GADL1: variants seen among roughly 807,000 people sequenced by gnomAD.
The protein encoded by GADL1 is acidic amino acid decarboxylase GADL1.
In GADL1, 71 loss-of-function variants were observed where a neutral mutation model predicts 69.5. The observed-to-expected ratio is 1.02, with a 90% CI of 0.84 to 1.25. The LOEUF is 1.25. Among genes scored for constraint, GADL1 ranks in the 50% most tolerant of loss-of-function variants. GADL1 has a pLI of 0.00. For synonymous variants in GADL1, 254 were observed against 214.4 expected (o/e 1.18, Z -1.62); for missense variants, 737 against 631.8 (o/e 1.17, Z -1.79).
intron 14 of GADL1, among the ~76,000 whole-genome samples, chr3:30,731,600 C>T (rs561131334): frequency 3.6e-4 from 55 of 152,268 alleles, no homozygotes; most frequent in Admixed American, 2.9e-3. Flanking sequence ...TTGTGTAAAG[C>T]GCATGACTGT....
Position 30,828,490 on chromosome 3 carries a change from C to T in GADL1, c.1050+5363G>A, listed in dbSNP as rs573755324. ...TCCAAAAATAAAAGTGGGGGGGGTGCGGGGGAGGGTCTATATTCCAAGCCT... is the reference window on the plus strand; with the variant it reads ...TCCAAAAATAAAAGTGGGGGGGGTGTGGGGGAGGGTCTATATTCCAAGCCT... On this transcript the variant is annotated intron_variant, in intron 11 of 14. Transcript: ENST00000282538. Among the ~76,000 whole-genome samples the T allele has an allele frequency of 9.5e-5, 10 of 105,230 alleles. No homozygotes were observed. The South Asian group carries it at 2.1e-3, about 22-fold the overall frequency. The allele number at this position is 105,230 out of a possible 152,430, so 69.0% of individuals were successfully genotyped here. A position where few individuals can be genotyped will look rare whatever the true frequency, so the allele number is the denominator to read the frequency against.
chr3:30,749,205 C>G (rs1172987295), intron 14 of GADL1, among the ~76,000 whole-genome samples: 2 of 152,100 alleles, frequency 1.3e-5, no homozygotes, highest in Non-Finnish European at 2.9e-5. Flanking sequence ...TTGATTCTAT[C>G]CAGTCTTAAA....
chr3:30,746,553 G>T (rs1695705890), intron 14 of GADL1, among the ~76,000 whole-genome samples: 1 of 152,170 alleles, frequency 6.6e-6, no homozygotes, highest in Admixed American at 6.5e-5. Flanking sequence ...GTAATAAGGT[G>T]ACAGGTGCAC....
At chr3:30,759,237 C>CAAAGAG (rs1491495006) in intron 14 of GADL1, among the ~76,000 whole-genome samples, 236 of 147,692 alleles carry the variant, frequency 1.6e-3, no homozygotes, top group Non-Finnish European at 2.6e-3. Flanking sequence ...CTTTAGCTCT[C>CAAAGAG]ACAATGATTA....
At chr3:30,756,019 G>A (rs1016359562) in intron 14 of GADL1, among the ~76,000 whole-genome samples, 6 of 152,094 alleles carry the variant, frequency 3.9e-5, no homozygotes, top group Non-Finnish European at 8.8e-5. Flanking sequence ...CCCAGGCCTC[G>A]CAGGAGAAAC....
chr3:30,854,612 TTAAA>T (rs35173001), intron 4 of GADL1, 83 bp downstream of exon 4: 8,687 of 788,400 alleles, frequency 0.011, 63 homozygotes, highest in Non-Finnish European at 0.015. Flanking sequence ...AAAGAAACCA[TTAAA>T]TAGAGATTTT....
In GADL1 at chr3:30,769,510, C is replaced by A. The variant is rs117019208; in HGVS notation, c.1392+8669G>T. Among the ~76,000 whole-genome samples the A allele has an allele frequency of 4.1e-4, 62 of 152,240 alleles. 1 individual carries two copies. The East Asian group carries it at 0.011, about 27-fold the overall frequency. Reference sequence around the variant, plus strand: ...TGAGGGAAATTCCTCCTGCTTCCCCCCTGTGCCTGCCTCTTTGTCTCCTCT... The same window carrying A: ...TGAGGGAAATTCCTCCTGCTTCCCCACTGTGCCTGCCTCTTTGTCTCCTCT... On this transcript the variant is annotated intron_variant, in intron 14 of 14. Coordinates refer to ENST00000282538, the MANE Select transcript of GADL1 (RefSeq NM_207359.3).
intron 11 of GADL1, among the ~76,000 whole-genome samples, chr3:30,811,959 C>T (rs1697364811): frequency 6.6e-6 from 1 of 152,178 alleles, no homozygotes; most frequent in South Asian, 2.1e-4. Context: ...GGGTCTTGAT[C>T]TCACATTGAA....
chr3:30,862,575 T>C (rs547789241), intron 1 of GADL1, among the ~76,000 whole-genome samples: 2 of 152,002 alleles, frequency 1.3e-5, no homozygotes, highest in Non-Finnish European at 2.9e-5. Flanking sequence ...CACCTGTCCT[T>C]ACACAATTTA....
chr3:30,802,709 CA>C (rs1030735992), intron 11 of GADL1, among the ~76,000 whole-genome samples: 1 of 152,152 alleles, frequency 6.6e-6, no homozygotes, highest in Non-Finnish European at 1.5e-5. Flanking sequence ...TATTCTATTA[CA>C]AAAAAGTATG....
In GADL1 at chr3:30,859,375, T is replaced by C. The variant is rs77848504; in HGVS notation, c.210+2218A>G. On this transcript the variant is annotated intron_variant, in intron 2 of 14. Coordinates refer to ENST00000282538, the MANE Select transcript of GADL1 (RefSeq NM_207359.3). ...CTACTGGCGCATTCAACAACATGGA[T>C]GAATCTCAAATGCATTTTGTTGAGG... Among the ~76,000 whole-genome samples, 44 of 152,008 alleles carry C rather than the reference T, an allele frequency of 2.9e-4. No homozygotes were observed. In the East Asian group the frequency reaches 8.2e-3, roughly 28 times the overall value.
intron 14 of GADL1, among the ~76,000 whole-genome samples, chr3:30,763,962 C>CT (rs371550109): frequency 6.6e-5 from 10 of 152,132 alleles, no homozygotes; most frequent in East Asian, 5.8e-4. Context: ...TTCCCATTGA[C>CT]TTTTTTCTTA....
chr3:30,811,766 G>C (rs1326013316), intron 11 of GADL1, among the ~76,000 whole-genome samples: 3 of 152,180 alleles, frequency 2.0e-5, no homozygotes, highest in Non-Finnish European at 4.4e-5. Context: ...TTGGTACAGT[G>C]ATTGTTAACC....
Position 30,732,795 on chromosome 3 carries a change from C to T in GADL1, c.1393-4380G>A, listed in dbSNP as rs191847159. On this transcript the variant is annotated intron_variant, in intron 14 of 14. Coordinates refer to ENST00000282538, the MANE Select transcript of GADL1 (RefSeq NM_207359.3). Reference sequence around the variant, plus strand: ...TTTCAGGGTCGGGCATGGTTGCTCACGCCTGTAATCTCAGTACTTTGGGAC... The same window carrying T: ...TTTCAGGGTCGGGCATGGTTGCTCATGCCTGTAATCTCAGTACTTTGGGAC... Among the ~76,000 whole-genome samples the T allele has an allele frequency of 2.5e-4, 38 of 152,282 alleles. No homozygotes were observed. In the East Asian group the frequency reaches 5.2e-3, roughly 21 times the overall value.
At position 30,728,236 on chromosome 3, in the gene GADL1, C is replaced by T. The variant is rs868405852; in HGVS notation, c.*6G>A. 6 of 1,612,448 alleles carry T rather than the reference C, an allele frequency of 3.7e-6. No individual in the cohort carries two copies. In the Middle Eastern group the frequency reaches 9.9e-4, roughly 267 times the overall value. On this transcript the variant is annotated 3_prime_UTR_variant, in exon 15 of 15. Coordinates refer to ENST00000282538, the MANE Select transcript of GADL1 (RefSeq NM_207359.3). ...GATCTATGCCTCTGGGGGACCAAAG[C>T]CACAGCTACATGTCTTTACCCAGTA...
chr3:30,773,018 G>A (rs201361895), intron 14 of GADL1, among the ~76,000 whole-genome samples: 1 of 137,704 alleles, frequency 7.3e-6, no homozygotes, highest in Non-Finnish European at 1.5e-5. Context: ...TGTTAGGAAG[G>A]AGGGGAGAGA....
At chr3:30,850,737 CTT>C in intron 5 of GADL1, 96 bp downstream of exon 5, 1 of 680,942 alleles carries the variant, frequency 1.5e-6, no homozygotes, top group Non-Finnish European at 2.6e-6. Flanking sequence ...TAATATCCAA[CTT>C]TTTGTCGTGT....
chr3:30,783,271 T>C (rs941141475), intron 13 of GADL1, among the ~76,000 whole-genome samples: 30 of 152,296 alleles, frequency 2.0e-4, no homozygotes, highest in African/African-American at 7.0e-4. Context: ...AATATGTGAA[T>C]TGACAGTGTA....
chr3:30,747,016 G>C (rs1695717304), intron 14 of GADL1, among the ~76,000 whole-genome samples: 1 of 152,106 alleles, frequency 6.6e-6, no homozygotes, highest in South Asian at 2.1e-4. Flanking sequence ...GCCCTTTTTG[G>C]TACCTTGTGT....
Sources: gnomAD v4.1 joint callset for allele counts (sites outside exome capture counted in the v4.1 genomes callset) on GRCh38, gnomAD v4.1.1 for gene constraint, MANE v1.5 for transcripts, NCBI Gene and HGNC (gene_info 2026-07-23, HGNC 2026-07-21) for gene names.